The following NEGR1 variants were observed in gnomAD, a reference collection of about 807,000 sequenced individuals.
NEGR1 encodes neuronal growth regulator 1.
NEGR1 carries 10 observed loss-of-function variants against 40.9 expected under a neutral mutation model. That is an observed-to-expected ratio of 0.24 (90% confidence interval 0.15 to 0.42). The LOEUF is 0.42. NEGR1 is among the 10% of genes least tolerant of loss of function. The pLI is 1.00. For missense variants in NEGR1, 352 were observed against 438.9 expected (o/e 0.80, Z 1.77); for synonymous variants, 185 against 166.8 (o/e 1.11, Z -0.84).
intron 6 of NEGR1, among the ~76,000 whole-genome samples, chr1:71,429,990 C>G (rs1646455562): frequency 6.6e-6 from 1 of 152,180 alleles, no homozygotes; most frequent in South Asian, 2.1e-4. Context: ...CCCTGCCTCT[C>G]TTCTCAGAAA....
intron 6 of NEGR1, among the ~76,000 whole-genome samples, chr1:71,496,496 A>G (rs1272725349): frequency 6.6e-6 from 1 of 152,130 alleles, no homozygotes; most frequent in East Asian, 1.9e-4. Flanking sequence ...CCTTGTGGAA[A>G]ACATCTTGCC....
chr1:72,002,519 C>A (rs567905145), intron 1 of NEGR1, among the ~76,000 whole-genome samples: 2 of 152,000 alleles, frequency 1.3e-5, no homozygotes, highest in East Asian at 3.9e-4. Context: ...TAGCCTATGT[C>A]CAGTGAAGTG....
chr1:72,263,416 G>C (rs1655528304), intron 1 of NEGR1, among the ~76,000 whole-genome samples: 1 of 151,458 alleles, frequency 6.6e-6, no homozygotes. Flanking sequence ...CATGTAGATG[G>C]ATAAGCATTC....
In NEGR1 at chr1:71,945,432, T is replaced by C. The variant is rs559440319; in HGVS notation, c.177-10121A>G. On this transcript the variant is annotated intron_variant, in intron 1 of 6. Transcript: ENST00000357731. ...AAAAAACCCTATGTATAAAATATAA[T>C]TAGAAGAAGGAAAAAAATAAAGAAT... 2.6e-5 allele frequency among the ~76,000 whole-genome samples: 4 copies of C among 152,234 alleles called. No homozygotes were observed. In the South Asian group the frequency reaches 6.2e-4, roughly 24 times the overall value.
intron 1 of NEGR1, among the ~76,000 whole-genome samples, chr1:72,025,327 C>T (rs565832099): frequency 2.6e-5 from 4 of 152,242 alleles, no homozygotes; most frequent in African/African-American, 9.6e-5. Flanking sequence ...TATAACATTC[C>T]TACCATATTA....
chr1:71,471,187 T>A (rs1163032421), intron 6 of NEGR1, among the ~76,000 whole-genome samples: 1 of 152,126 alleles, frequency 6.6e-6, no homozygotes, highest in Non-Finnish European at 1.5e-5. Context: ...ATAAATAAAT[T>A]AAATATATTG....
intron 6 of NEGR1, among the ~76,000 whole-genome samples, chr1:71,431,540 AT>A (rs1167361324): frequency 8.1e-5 from 8 of 98,732 alleles, no homozygotes; most frequent in Non-Finnish European, 1.5e-4. Flanking sequence ...CCAATCATCC[AT>A]CCATCCATCC....
rs575496354 is a variant in NEGR1 at position 71,535,052 on chromosome 1, T to G, written c.940+57765A>C. The stretch of plus-strand genomic sequence containing the variant: ...TAATTAAAATTTATGTTAAATTAGT[T>G]TAATGCTATATAATACATCGTAATT... On this transcript the variant is annotated intron_variant, in intron 6 of 6. Transcript: ENST00000357731. Among the ~76,000 whole-genome samples the G allele has an allele frequency of 2.2e-4, 33 of 151,760 alleles. No individual in the cohort carries two copies. The East Asian group carries it at 3.9e-3, about 18-fold the overall frequency.
chr1:71,819,731 G>C (rs191015970), intron 2 of NEGR1, among the ~76,000 whole-genome samples: 2 of 151,912 alleles, frequency 1.3e-5, no homozygotes, highest in Non-Finnish European at 2.9e-5. Context: ...TATGTCAAAG[G>C]GGGGATAAAA....
chr1:72,120,505 T>G (rs1649756682), intron 1 of NEGR1, among the ~76,000 whole-genome samples: 1 of 140,506 alleles, frequency 7.1e-6, no homozygotes, highest in African/African-American at 2.5e-5. Flanking sequence ...CACTTCTTTT[T>G]TTTTCTTTCT....
intron 2 of NEGR1, among the ~76,000 whole-genome samples, chr1:71,819,024 C>T (rs114594966): frequency 0.029 from 4,422 of 151,864 alleles, 205 homozygotes; most frequent in African/African-American, 0.1. Context: ...AGCCAGTGGG[C>T]CTTTTATATT....
At chr1:72,257,343 AAG>A (rs1655307752) in intron 1 of NEGR1, among the ~76,000 whole-genome samples, 3 of 150,604 alleles carry the variant, frequency 2.0e-5, no homozygotes, top group Admixed American at 6.6e-5. Flanking sequence ...AAAAAAAAAA[AAG>A]AATAGCACAT....
intron 4 of NEGR1, among the ~76,000 whole-genome samples, chr1:71,627,880 C>T (rs531027799): frequency 3.3e-5 from 5 of 152,044 alleles, no homozygotes; most frequent in African/African-American, 1.2e-4. Flanking sequence ...CACAGTAATT[C>T]AATGTGAATA....
chr1:72,026,601 G>C (rs1646812567), intron 1 of NEGR1, among the ~76,000 whole-genome samples: 1 of 151,894 alleles, frequency 6.6e-6, no homozygotes, highest in South Asian at 2.1e-4. Context: ...TAGTCTTCAA[G>C]CCACAGTGAT....
intron 2 of NEGR1, among the ~76,000 whole-genome samples, chr1:71,798,962 A>T (rs941602455): frequency 3.3e-5 from 5 of 152,116 alleles, no homozygotes; most frequent in African/African-American, 1.2e-4. Context: ...GCATTATTAA[A>T]ATTATATCCT....
intron 1 of NEGR1, among the ~76,000 whole-genome samples, chr1:72,278,131 G>A (rs1359802814): frequency 6.6e-6 from 1 of 152,058 alleles, no homozygotes; most frequent in East Asian, 1.9e-4. Flanking sequence ...GGCTTCTTCC[G>A]TATTAGAGTA....
intron 6 of NEGR1, among the ~76,000 whole-genome samples, chr1:71,574,889 G>T (rs1480177090): frequency 6.6e-6 from 1 of 151,990 alleles, no homozygotes; most frequent in East Asian, 1.9e-4. Flanking sequence ...ATTATCTCTG[G>T]GTCCATTTAG....
chr1:71,540,620 A>C (rs1647658548), intron 6 of NEGR1, among the ~76,000 whole-genome samples: 2 of 151,710 alleles, frequency 1.3e-5, no homozygotes, highest in African/African-American at 4.8e-5. Flanking sequence ...CACATTACTC[A>C]TCAGTTTGAC....
chr1:71,626,566 T>C (rs556949696), intron 4 of NEGR1, among the ~76,000 whole-genome samples: 1 of 152,018 alleles, frequency 6.6e-6, no homozygotes, highest in Admixed American at 6.6e-5. Context: ...TAGTATTCCA[T>C]GCTGTATAGG....
Sources: allele counts gnomAD v4.1 joint callset (sites outside exome capture counted in the v4.1 genomes callset), GRCh38; gene constraint gnomAD v4.1.1; transcripts MANE v1.5; gene names NCBI Gene and HGNC (gene_info 2026-07-23, HGNC 2026-07-21).